MTMR7: variants seen among roughly 807,000 people sequenced by gnomAD.
MTMR7 encodes the protein phosphatidylinositol-3-phosphate phosphatase MTMR7.
A neutral mutation model predicts 81.2 loss-of-function variants in MTMR7; 76 were observed. The observed-to-expected ratio is 0.94, with a 90% CI of 0.78 to 1.13. The LOEUF is 1.13. Among genes scored for constraint, MTMR7 ranks in the 50% most tolerant of loss-of-function variants. MTMR7 has a pLI of 0.00. For synonymous variants in MTMR7, 372 were observed against 289.8 expected (o/e 1.28, Z -2.88); for missense variants, 1,044 against 820.0 (o/e 1.27, Z -3.34).
chr8:17,307,341 A>G (rs1302776440), intron 10 of MTMR7, among the ~76,000 whole-genome samples: 1 of 152,214 alleles, frequency 6.6e-6, no homozygotes, highest in Non-Finnish European at 1.5e-5. Flanking sequence ...ATGATACACC[A>G]TCTCACACCA....
intron 5 of MTMR7, among the ~76,000 whole-genome samples, chr8:17,344,680 T>C (rs756579955): frequency 2.0e-5 from 3 of 152,268 alleles, no homozygotes; most frequent in Non-Finnish European, 4.4e-5. Flanking sequence ...TGTATGATGT[T>C]GGGTAATTTA....
rs200905153 is a variant in MTMR7, at chr8:17,300,210, A to C, written c.1635T>G (p.Ile545Met). ...TAGTGCAATTTAACTGGACCTTTTG[A>C]ATTTTTTCCAGCCTCTAAGAAAGAA... ...LEALEERLEK[I>M]QKVQLNCTKV... The change falls in exon 14 of 14, where the codon ATT becomes ATG. Residue 545 changes from isoleucine to methionine, a missense_variant. Coordinates refer to ENST00000180173, the MANE Select transcript of MTMR7 (RefSeq NM_004686.5). The C allele has an allele frequency of 6.2e-7, 1 of 1,602,330 alleles. No individual in the cohort carries two copies. Among genetic ancestry groups the C allele is most frequent in the East Asian group, 2.2e-5 (1 of 44,690 alleles).
chr8:17,360,973 G>A (rs1390768762), intron 4 of MTMR7, 144 bp downstream of exon 4: 7 of 851,724 alleles, frequency 8.2e-6, no homozygotes, highest in Non-Finnish European at 1.3e-5. Flanking sequence ...AATACAGCTG[G>A]CACTAACCAA....
At chr8:17,357,005 A>C (rs1819913321) in intron 4 of MTMR7, among the ~76,000 whole-genome samples, 1 of 152,204 alleles carries the variant, frequency 6.6e-6, no homozygotes, top group South Asian at 2.1e-4. Flanking sequence ...ACAATATACT[A>C]CAAGACATAT....
chr8:17,388,441 TG>T (rs1467712592), intron 1 of MTMR7, among the ~76,000 whole-genome samples: 1 of 152,202 alleles, frequency 6.6e-6, no homozygotes, highest in Non-Finnish European at 1.5e-5. Flanking sequence ...TAAAGATAGT[TG>T]GGTTCAAAAC....
At chr8:17,304,354 A>G in intron 12 of MTMR7, 25 bp downstream of exon 12, 1 of 1,604,506 alleles carries the variant, frequency 6.2e-7, no homozygotes, top group Non-Finnish European at 8.5e-7. Context: ...TACCATGGCT[A>G]CAAAGTTACC....
At chr8:17,390,884 C>T (rs987258742) in intron 1 of MTMR7, among the ~76,000 whole-genome samples, 3 of 152,186 alleles carry the variant, frequency 2.0e-5, no homozygotes, top group Admixed American at 1.3e-4. Context: ...GAGGTCCCTC[C>T]CCCAACACGT....
At chr8:17,362,226 T>A (rs1327078565) in intron 3 of MTMR7, among the ~76,000 whole-genome samples, 1 of 152,224 alleles carries the variant, frequency 6.6e-6, no homozygotes, top group Non-Finnish European at 1.5e-5. Flanking sequence ...AACATGTGCA[T>A]GATATAAAAC....
chr8:17,347,792 T>C (rs1819604246), intron 5 of MTMR7, among the ~76,000 whole-genome samples: 1 of 152,096 alleles, frequency 6.6e-6, no homozygotes, highest in Non-Finnish European at 1.5e-5. Flanking sequence ...CCCATAACAC[T>C]GTACTTCCAC....
At chr8:17,370,766 C>T (rs1445094127) in intron 3 of MTMR7, among the ~76,000 whole-genome samples, 3 of 151,850 alleles carry the variant, frequency 2.0e-5, no homozygotes, top group Non-Finnish European at 4.4e-5. Flanking sequence ...GGCAATTTCA[C>T]CCCAAAAGGA....
chr8:17,337,308 T>A (rs961888629), intron 6 of MTMR7, among the ~76,000 whole-genome samples: 10 of 144,832 alleles, frequency 6.9e-5, no homozygotes, highest in African/African-American at 2.1e-4. Context: ...GAGGTTGCAG[T>A]GATCCGAGAT....
intron 3 of MTMR7, among the ~76,000 whole-genome samples, chr8:17,370,806 T>C (rs1396851626): frequency 6.6e-6 from 1 of 151,450 alleles, no homozygotes; most frequent in Non-Finnish European, 1.5e-5. Flanking sequence ...CAAGATTAAG[T>C]TAATACTAAG....
chr8:17,332,617 T>C (rs1819062036), intron 6 of MTMR7, among the ~76,000 whole-genome samples: 1 of 152,234 alleles, frequency 6.6e-6, no homozygotes, highest in Non-Finnish European at 1.5e-5. Flanking sequence ...CTGCCGCTGC[T>C]GCTGCCCAGC....
chr8:17,313,763 G>A (rs1008281305), intron 7 of MTMR7, among the ~76,000 whole-genome samples: 1 of 152,122 alleles, frequency 6.6e-6, no homozygotes, highest in African/African-American at 2.4e-5. Flanking sequence ...AATTGGGAGT[G>A]CTATGAGGAA....
intron 12 of MTMR7, 118 bp from the exon 13 acceptor site, chr8:17,302,398 C>T (rs1204659625): frequency 2.0e-5 from 24 of 1,221,812 alleles, no homozygotes; most frequent in Non-Finnish European, 2.6e-5. Context: ...ATGCAAATTT[C>T]AGCCTCAAAA....
At chr8:17,403,415 T>A (rs764565581) in intron 1 of MTMR7, among the ~76,000 whole-genome samples, 6 of 152,330 alleles carry the variant, frequency 3.9e-5, no homozygotes, top group Admixed American at 1.3e-4. Context: ...CTGGGTTTCT[T>A]TTTCTGTTCC....
intron 5 of MTMR7, among the ~76,000 whole-genome samples, chr8:17,344,625 C>G (rs1390788499): frequency 3.9e-5 from 6 of 152,054 alleles, no homozygotes; most frequent in African/African-American, 1.4e-4. Flanking sequence ...CATAAAGATG[C>G]AGCAGAAAGA....
rs543111716 is a variant in MTMR7, at chr8:17,298,457, T to C, written c.*1405A>G. ...TTTTCATTTATATATATTGCAACAC[T>C]CCCTCCAAATCTTTCATACTAGAGA... On this transcript the variant is annotated 3_prime_UTR_variant, in exon 14 of 14. Transcript: ENST00000180173. 5.9e-5 allele frequency: 9 copies of C among 152,496 alleles called. No homozygotes were observed. The highest frequency in any genetic ancestry group is 1.7e-4 in the African/African-American group (7 of 41,524). 9.4% of individuals were successfully genotyped at this position (152,496 alleles called of 1,614,324 possible). A position where few individuals can be genotyped will look rare whatever the true frequency, so the allele number is the denominator to read the frequency against.
At chr8:17,320,476 C>A (rs1818326614) in intron 7 of MTMR7, among the ~76,000 whole-genome samples, 1 of 152,036 alleles carries the variant, frequency 6.6e-6, no homozygotes, top group South Asian at 2.1e-4. Context: ...TTAAAGCTGG[C>A]CCCAGGAGCA....
Sources: gnomAD v4.1 joint callset for allele counts (sites outside exome capture counted in the v4.1 genomes callset) on GRCh38, gnomAD v4.1.1 for gene constraint, MANE v1.5 for transcripts, NCBI Gene and HGNC (gene_info 2026-07-23, HGNC 2026-07-21) for gene names.